The following STK39 variants were observed in gnomAD, a reference collection of about 807,000 sequenced individuals.
The protein encoded by STK39 is STE20/SPS1-related proline-alanine-rich protein kinase.
A neutral mutation model predicts 77.8 loss-of-function variants in STK39; 20 were observed. The observed-to-expected ratio is 0.26, with a 90% CI of 0.18 to 0.37. The LOEUF (loss-of-function observed/expected upper bound fraction) is 0.37, where lower values mean the gene tolerates loss of function less well. Among genes scored for constraint, STK39 ranks in the 10% least tolerant of loss-of-function variants. The probability of loss-of-function intolerance (pLI) is 1.00; values close to 1 mark genes in which losing one functional copy is unlikely to be tolerated. For missense variants in STK39, 479 were observed against 656.5 expected, an observed-to-expected ratio of 0.73 and a Z score of 2.95; for synonymous variants, 246 against 234.1, an observed-to-expected ratio of 1.05 and a Z score of -0.47.
intron 16 of STK39, among the ~76,000 whole-genome samples, chr2:168,004,954 C>A (rs1409357913): frequency 3.4e-5 from 5 of 149,020 alleles, no homozygotes; most frequent in African/African-American, 4.9e-5. Context: ...GAGAGACACT[C>A]AGAATACTTA....
At chr2:167,969,437 C>T (rs568531384) in intron 16 of STK39, among the ~76,000 whole-genome samples, 2 of 152,130 alleles carry the variant, frequency 1.3e-5, no homozygotes, top group East Asian at 1.9e-4. Context: ...CTCGGCCAAC[C>T]GCTCCAGCTT....
In STK39 at chr2:168,087,893, A is replaced by G. The variant is rs536344622; in HGVS notation, c.1090-12662T>C. The stretch of plus-strand genomic sequence containing the variant: ...GAAAACTAAGATGATATGAATTACC[A>G]TAACTTAAGAGAGACTAAATTCTTA... On this transcript the variant is annotated intron_variant, in intron 10 of 17. Transcript: ENST00000355999. 3.3e-5 allele frequency among the ~76,000 whole-genome samples: 5 copies of G among 152,360 alleles called. No homozygotes were observed. In the East Asian group the frequency reaches 7.7e-4, roughly 23 times the overall value.
Position 168,076,503 on chromosome 2 carries a change from G to A in STK39, c.1090-1272C>T, listed in dbSNP as rs900945545. On this transcript the variant is annotated intron_variant, in intron 10 of 17. Transcript: ENST00000355999. ...ATATTTAAGTTTAGTATACATGTCA[G>A]ATCAATGCGAAGTCATAAAAAATGC... is the stretch of plus-strand genomic sequence containing the variant. 3.3e-5 allele frequency among the ~76,000 whole-genome samples: 5 copies of A among 152,128 alleles called. No individual in the cohort carries two copies. The East Asian group carries it at 7.7e-4, about 23-fold the overall frequency.
intron 10 of STK39, among the ~76,000 whole-genome samples, chr2:168,105,257 A>G (rs1229753036): frequency 6.6e-6 from 1 of 152,188 alleles, no homozygotes; most frequent in Non-Finnish European, 1.5e-5. Flanking sequence ...ACTCAGTCTG[A>G]TGAACTTCAC....
At chr2:168,079,801 T>G (rs1035077176) in intron 10 of STK39, among the ~76,000 whole-genome samples, 1 of 152,240 alleles carries the variant, frequency 6.6e-6, no homozygotes, top group South Asian at 2.1e-4. Context: ...ATTCATACAA[T>G]GTTAGGTACT....
At chr2:168,063,677 A>C (rs1685721486) in intron 13 of STK39, 107 bp from the exon 14 acceptor site, 1 of 1,058,240 alleles carries the variant, frequency 9.4e-7, no homozygotes, top group Admixed American at 2.5e-5. Context: ...GGAAATTTCA[A>C]AACTAGATCT....
intron 10 of STK39, among the ~76,000 whole-genome samples, chr2:168,077,003 T>C (rs1020798128): frequency 2.0e-5 from 3 of 152,224 alleles, no homozygotes; most frequent in Non-Finnish European, 4.4e-5. Context: ...AAAATTATTT[T>C]CTTAGCAACG....
chr2:168,041,992 T>C (rs557553433), intron 14 of STK39, among the ~76,000 whole-genome samples: 1 of 152,338 alleles, frequency 6.6e-6, no homozygotes, highest in African/African-American at 2.4e-5. Context: ...AAGCAAAAGC[T>C]TGCCTCGCTA....
chr2:168,096,915 A>AG (rs397872422), intron 10 of STK39, among the ~76,000 whole-genome samples: 4 of 151,854 alleles, frequency 2.6e-5, no homozygotes, highest in Non-Finnish European at 5.9e-5. Flanking sequence ...AGAAAAAAAA[A>AG]CCTGCCTTTC....
chr2:168,240,479 TGACATGAAGA>T (rs1405151907), intron 1 of STK39, among the ~76,000 whole-genome samples: 1 of 152,220 alleles, frequency 6.6e-6, no homozygotes, highest in African/African-American at 2.4e-5. Flanking sequence ...CAGTGGTGGC[TGACATGAAGA>T]GTCAGAGTCA....
intron 10 of STK39, among the ~76,000 whole-genome samples, chr2:168,088,729 G>C (rs1038331736): frequency 2.0e-5 from 3 of 152,182 alleles, no homozygotes; most frequent in African/African-American, 7.2e-5. Flanking sequence ...CACATTTCTA[G>C]ATATGTTCGT....
chr2:168,171,042 C>A (rs180688980), intron 2 of STK39, among the ~76,000 whole-genome samples: 2 of 152,122 alleles, frequency 1.3e-5, no homozygotes, highest in Admixed American at 6.5e-5. Flanking sequence ...CCTTGGAAAC[C>A]GAGGAAATGA....
intron 16 of STK39, among the ~76,000 whole-genome samples, chr2:167,994,202 A>T (rs984568850): frequency 2.0e-5 from 3 of 152,222 alleles, no homozygotes; most frequent in Non-Finnish European, 4.4e-5. Flanking sequence ...ATATAAACTT[A>T]ATTGGTTCTT....
intron 17 of STK39, among the ~76,000 whole-genome samples, chr2:167,956,667 G>GACACACACAC (rs762455680): frequency 0.072 from 3,449 of 47,590 alleles, 320 homozygotes; most frequent in Admixed American, 0.1. Context: ...CTTGCTTTTA[G>GACACACACAC]ACACACACAC....
intron 14 of STK39, among the ~76,000 whole-genome samples, chr2:168,044,196 T>C (rs1222223159): frequency 2.0e-5 from 3 of 152,212 alleles, no homozygotes; most frequent in Non-Finnish European, 4.4e-5. Flanking sequence ...GCAATACTGT[T>C]GAGTATATCA....
intron 10 of STK39, among the ~76,000 whole-genome samples, chr2:168,075,502 A>C (rs1361963483): frequency 6.6e-6 from 1 of 152,092 alleles, no homozygotes; most frequent in African/African-American, 2.4e-5. Context: ...ACATATAAGC[A>C]ATTAAGGATC....
At chr2:168,076,619 A>G (rs1315852848) in intron 10 of STK39, among the ~76,000 whole-genome samples, 1 of 152,230 alleles carries the variant, frequency 6.6e-6, no homozygotes, top group African/African-American at 2.4e-5. Flanking sequence ...TTGAGCTCCA[A>G]CATAGAAAGT....
chr2:168,184,972 T>C (rs1299902425), intron 1 of STK39, among the ~76,000 whole-genome samples: 4 of 152,208 alleles, frequency 2.6e-5, no homozygotes, highest in African/African-American at 9.7e-5. Context: ...AACACTGTCT[T>C]GCTTTAAGGG....
chr2:168,071,010 C>T (rs1274987061), intron 12 of STK39, among the ~76,000 whole-genome samples: 1 of 152,142 alleles, frequency 6.6e-6, no homozygotes, highest in Non-Finnish European at 1.5e-5. Flanking sequence ...CCCACTCTGG[C>T]CTTCTCAGTC....
Sources: allele counts gnomAD v4.1 joint callset (sites outside exome capture counted in the v4.1 genomes callset), GRCh38; gene constraint gnomAD v4.1.1; transcripts MANE v1.5; gene names NCBI Gene and HGNC (gene_info 2026-07-23, HGNC 2026-07-21).